The following NOSTRIN variants were observed in gnomAD, a reference collection of about 807,000 sequenced individuals.
The protein encoded by NOSTRIN is BM247 homolog.
In NOSTRIN, 63 loss-of-function variants were observed where a neutral mutation model predicts 59.0. The ratio of observed to expected loss-of-function variants is 1.07; its 90% CI spans 0.87 to 1.32. The LOEUF (loss-of-function observed/expected upper bound fraction) is 1.32, where lower values mean the gene tolerates loss of function less well. Ranked by LOEUF, NOSTRIN falls within the 40% of genes most tolerant of loss-of-function variation. NOSTRIN has a pLI of 0.00. For synonymous variants in NOSTRIN, 200 were observed against 165.4 expected, an observed-to-expected ratio of 1.21 and a Z score of -1.61; for missense variants, 512 against 473.1, an observed-to-expected ratio of 1.08 and a Z score of -0.76.
chr2:168,802,364 A>G, upstream of NOSTRIN: 1 of 377,430 alleles, frequency 2.6e-6, no homozygotes, highest in Non-Finnish European at 5.0e-6. Context: ...GCCTTCTCTC[A>G]ATGTTACGCT....
chr2:168,843,199 G>C (rs1688204023), intron 8 of NOSTRIN, 82 bp downstream of exon 8: 3 of 772,694 alleles, frequency 3.9e-6, no homozygotes, highest in Admixed American at 2.2e-5. Context: ...ACAGTGACAA[G>C]ACCTGCCCTC....
At chr2:168,846,524 A>C (rs505283) in intron 8 of NOSTRIN, among the ~76,000 whole-genome samples, 1 of 151,926 alleles carries the variant, frequency 6.6e-6, no homozygotes. Flanking sequence ...AATGAAACCA[A>C]TTCCACAAAC....
intron 11 of NOSTRIN, 195 bp from the exon 12 acceptor site, chr2:168,856,495 A>G: frequency 1.8e-6 from 1 of 565,674 alleles, no homozygotes; most frequent in Non-Finnish European, 3.2e-6. Context: ...GAATTGTTTG[A>G]ACTTGGGAGG....
chr2:168,807,520 T>C (rs1685919257), intron 1 of NOSTRIN, among the ~76,000 whole-genome samples: 1 of 152,208 alleles, frequency 6.6e-6, no homozygotes, highest in Non-Finnish European at 1.5e-5. Context: ...TTTTGGCGTA[T>C]AGTATATAGG....
At chr2:168,848,749 A>G (rs1323203098) in intron 8 of NOSTRIN, among the ~76,000 whole-genome samples, 3 of 152,196 alleles carry the variant, frequency 2.0e-5, no homozygotes, top group African/African-American at 7.2e-5. Flanking sequence ...ATTTGTAGAG[A>G]CAGAAAGTAG....
intron 2 of NOSTRIN, among the ~76,000 whole-genome samples, chr2:168,815,787 T>G (rs1017428827): frequency 6.6e-6 from 1 of 152,208 alleles, no homozygotes; most frequent in Non-Finnish European, 1.5e-5. Context: ...CACAGTATAT[T>G]GGACATCTCC....
In NOSTRIN at chr2:168,824,843, C is replaced by T. The variant is rs569542684; in HGVS notation, c.197+126C>T. 1.4e-4 allele frequency: 89 copies of T among 623,164 alleles called. 1 individual carries two copies. The highest frequency in any genetic ancestry group is 1.4e-3 in the South Asian group (78 of 57,194). 38.6% of individuals were successfully genotyped at this position (623,164 alleles called of 1,614,324 possible). ...CTGGGTTAGAGTGCAGTGGCACAAT[C>T]ACAGCTCACTGCACCCTCAATCCCC... is the stretch of plus-strand genomic sequence containing the variant. On this transcript the variant is annotated intron_variant, in intron 3 of 15. Transcript: ENST00000317647.
chr2:168,831,870 A>G (rs956561394), intron 6 of NOSTRIN, among the ~76,000 whole-genome samples: 6 of 152,208 alleles, frequency 3.9e-5, no homozygotes, highest in Non-Finnish European at 7.3e-5. Context: ...AATTTTCCCA[A>G]GGATACAGAG....
intron 6 of NOSTRIN, among the ~76,000 whole-genome samples, chr2:168,832,169 A>C (rs905220672): frequency 6.6e-6 from 1 of 152,070 alleles, no homozygotes; most frequent in Non-Finnish European, 1.5e-5. Flanking sequence ...CTAAGACATA[A>C]TTTTTTTCAA....
intron 1 of NOSTRIN, 59 bp from the exon 2 acceptor site, chr2:168,811,504 ATCTT>A: frequency 1.6e-6 from 1 of 638,290 alleles, no homozygotes; most frequent in Admixed American, 3.0e-5. Flanking sequence ...TAGGTGCTCT[ATCTT>A]CGGAGTTGCT....
Position 168,850,557 on chromosome 2 carries a change from A to G in NOSTRIN, c.631-527A>G, listed in dbSNP as rs143129299. On this transcript the variant is annotated intron_variant, in intron 8 of 15. Transcript: ENST00000317647. Reference sequence around the variant, plus strand: ...CTCAATGCATTTCCAAGACATGGATATGGGCTTTCCTGGGCTTCACCCTCT... The same window carrying G: ...CTCAATGCATTTCCAAGACATGGATGTGGGCTTTCCTGGGCTTCACCCTCT... Among the ~76,000 whole-genome samples, 1,199 of 151,152 alleles carry G rather than the reference A, an allele frequency of 7.9e-3. 9 individuals carry two copies. Among genetic ancestry groups the G allele is most frequent in the Non-Finnish European group, 0.012 (815 of 67,786 alleles).
chr2:168,834,505 G>GCGCGCGCA (rs1553527112), intron 7 of NOSTRIN, among the ~76,000 whole-genome samples, 180 bp downstream of exon 7: 15 of 103,132 alleles, frequency 1.5e-4, no homozygotes, highest in Non-Finnish European at 3.0e-4. Context: ...GCGCGCGCGC[G>GCGCGCGCA]CGCACACACA....
chr2:168,798,223 G>T (rs1273050321), upstream of NOSTRIN: 1 of 152,150 alleles, frequency 6.6e-6, no homozygotes, highest in Non-Finnish European at 1.5e-5. Context: ...CTGACACGTG[G>T]TATGTCCTTT....
intron 11 of NOSTRIN, 145 bp downstream of exon 11, chr2:168,855,605 CAAAA>C (rs58938408): frequency 6.6e-6 from 1 of 152,520 alleles, no homozygotes; most frequent in Non-Finnish European, 1.2e-5. Context: ...GTTGTGTGAA[CAAAA>C]AAAAAAAAAG....
chr2:168,791,360 T>G (rs1365474761), intron 2 of NOSTRIN, among the ~76,000 whole-genome samples: 1 of 152,230 alleles, frequency 6.6e-6, no homozygotes, highest in Non-Finnish European at 1.5e-5. Context: ...CCATGGTGTA[T>G]ATGTGCCACA....
intron 7 of NOSTRIN, among the ~76,000 whole-genome samples, chr2:168,834,541 A>ACACACACACACC (rs58702721): frequency 0.028 from 3,874 of 139,080 alleles, 65 homozygotes; most frequent in Non-Finnish European, 0.034. Context: ...ACACACACAC[A>ACACACACACACC]CCACATACAT....
At chr2:168,858,266 T>A (rs947855372) in intron 12 of NOSTRIN, among the ~76,000 whole-genome samples, 1 of 152,308 alleles carries the variant, frequency 6.6e-6, no homozygotes, top group African/African-American at 2.4e-5. Context: ...ATGTTTATGA[T>A]CTGGTGAAGG....
upstream of NOSTRIN, among the ~76,000 whole-genome samples, chr2:168,796,173 G>A (rs1213913509): frequency 1.3e-5 from 2 of 152,256 alleles, no homozygotes; most frequent in African/African-American, 2.4e-5. Flanking sequence ...GCACTCATGT[G>A]CATGCAGTGA....
intron 10 of NOSTRIN, among the ~76,000 whole-genome samples, 178 bp from the exon 11 acceptor site, chr2:168,855,174 T>C (rs973760453): frequency 1.7e-4 from 26 of 152,210 alleles, no homozygotes; most frequent in African/African-American, 6.3e-4. Context: ...ATTTTCTTAT[T>C]CATCAGGTCT....
Sources: gnomAD v4.1 joint callset for allele counts (sites outside exome capture counted in the v4.1 genomes callset) on GRCh38, gnomAD v4.1.1 for gene constraint, MANE v1.5 for transcripts, NCBI Gene and HGNC (gene_info 2026-07-23, HGNC 2026-07-21) for gene names.